Variants in SMOC2 observed in about 807,000 individuals in gnomAD.
SMOC2 encodes the protein SPARC-related modular calcium-binding protein 2.
SMOC2 carries 39 observed loss-of-function variants against 61.4 expected under a neutral mutation model. The observed-to-expected ratio is 0.64, with a 90% CI of 0.49 to 0.83. The LOEUF (loss-of-function observed/expected upper bound fraction) is 0.83, where lower values mean the gene tolerates loss of function less well. Ranked by LOEUF, SMOC2 falls within the 40% of genes least tolerant of loss-of-function variation. The pLI, the probability that SMOC2 is intolerant of heterozygous loss-of-function variation, is 0.00. For missense variants in SMOC2, 556 were observed against 592.9 expected, an observed-to-expected ratio of 0.94 and a Z score of 0.65; for synonymous variants, 247 against 239.9, an observed-to-expected ratio of 1.03 and a Z score of -0.27.
intron 1 of SMOC2, among the ~76,000 whole-genome samples, chr6:168,498,431 C>T (rs1056145298): frequency 4.0e-5 from 6 of 151,686 alleles, no homozygotes; most frequent in African/African-American, 1.2e-4. Context: ...AGTGGCTGTC[C>T]GGCGGGTAGT....
chr6:168,546,227 A>C (rs899458233), intron 5 of SMOC2, among the ~76,000 whole-genome samples: 4 of 148,644 alleles, frequency 2.7e-5, no homozygotes, highest in African/African-American at 1.0e-4. Context: ...GTTATTTAAC[A>C]AAATGATATA....
intron 5 of SMOC2, 93 bp downstream of exon 5, chr6:168,543,765 G>GTGA (rs3832408): frequency 0.013 from 15,666 of 1,202,862 alleles, 208 homozygotes; most frequent in African/African-American, 0.051. Flanking sequence ...ACATCCACTA[G>GTGA]TGATGATGAT....
chr6:168,658,519 G>A (rs74861447), intron 11 of SMOC2, among the ~76,000 whole-genome samples: 3,232 of 152,120 alleles, frequency 0.021, 131 homozygotes, highest in African/African-American at 0.073. Flanking sequence ...CGTAAGCCAC[G>A]CATGGCTTCT....
intron 1 of SMOC2, among the ~76,000 whole-genome samples, chr6:168,454,234 G>A (rs913839274): frequency 2.0e-5 from 3 of 152,052 alleles, no homozygotes; most frequent in Admixed American, 1.3e-4. Context: ...TGTGTGTCCC[G>A]GCTCCCCCAG....
intron 7 of SMOC2, among the ~76,000 whole-genome samples, chr6:168,557,206 A>G (rs182864421): frequency 6.6e-6 from 1 of 152,194 alleles, no homozygotes; most frequent in Admixed American, 6.5e-5. Context: ...CACAAACATC[A>G]AGACACCAAT....
chr6:168,601,261 G>A (rs906419297), intron 8 of SMOC2, among the ~76,000 whole-genome samples: 91 of 152,234 alleles, frequency 6.0e-4, no homozygotes, highest in African/African-American at 2.0e-3. Flanking sequence ...CCTGCTTTGG[G>A]GAGTGTGATG....
chr6:168,580,068 GGTCT>G (rs3033586), intron 7 of SMOC2, among the ~76,000 whole-genome samples: 53,426 of 151,718 alleles, frequency 0.35, 9,449 homozygotes, highest in Middle Eastern at 0.41. Flanking sequence ...GTTCCGAGAT[GGTCT>G]GTCTTTGTCA....
At chr6:168,531,196 G>A (rs1263824994) in intron 4 of SMOC2, among the ~76,000 whole-genome samples, 3 of 152,180 alleles carry the variant, frequency 2.0e-5, no homozygotes, top group Non-Finnish European at 4.4e-5. Flanking sequence ...CTTGCATGCG[G>A]TGGAGAGCAG....
chr6:168,551,211 G>A (rs1360543043), intron 7 of SMOC2, among the ~76,000 whole-genome samples: 1 of 152,128 alleles, frequency 6.6e-6, no homozygotes, highest in Non-Finnish European at 1.5e-5. Flanking sequence ...TGCCATGATG[G>A]TAAGTTTCCT....
chr6:168,624,367 G>A (rs978195749), intron 9 of SMOC2, among the ~76,000 whole-genome samples: 30 of 152,162 alleles, frequency 2.0e-4, no homozygotes, highest in East Asian at 1.9e-3. Context: ...GACGAAGCTC[G>A]CTAGAGAAAC....
intron 5 of SMOC2, among the ~76,000 whole-genome samples, chr6:168,546,797 TTACTC>T (rs771222200): frequency 1.5e-4 from 23 of 152,334 alleles, no homozygotes; most frequent in Middle Eastern, 3.4e-3. Context: ...TAGACTTTCT[TTACTC>T]TAATTATTTT....
intron 8 of SMOC2, among the ~76,000 whole-genome samples, chr6:168,602,159 G>T (rs1398740309): frequency 1.3e-5 from 2 of 152,118 alleles, no homozygotes; most frequent in Non-Finnish European, 2.9e-5. Context: ...ACTCTTCCAG[G>T]GGGGTGTCGG....
At chr6:168,466,411 G>A (rs1033580142) in intron 1 of SMOC2, among the ~76,000 whole-genome samples, 3 of 152,152 alleles carry the variant, frequency 2.0e-5, no homozygotes, top group Admixed American at 2.0e-4. Context: ...TCCTGCTCTC[G>A]TGCCCTGCTC....
rs898420685 is a variant in SMOC2 at position 168,480,828 on chromosome 6, C to T, written c.85-29087C>T. Among the ~76,000 whole-genome samples the T allele has an allele frequency of 2.6e-5, 4 of 152,162 alleles. No homozygotes were observed. In the East Asian group the frequency reaches 7.7e-4, roughly 29 times the overall value. On this transcript the variant is annotated intron_variant, in intron 1 of 12. Transcript: ENST00000356284. The stretch of plus-strand genomic sequence containing the variant: ...TTTGAAAGCAGAAAGAGAGAAGTAG[C>T]TCTCACATACAAGGATCCTCAGTAA...
intron 9 of SMOC2, among the ~76,000 whole-genome samples, chr6:168,610,244 C>T (rs917984935): frequency 1.3e-5 from 2 of 152,138 alleles, no homozygotes; most frequent in Admixed American, 6.5e-5. Flanking sequence ...ATGAAGACGG[C>T]GTTTCCTTGC....
intron 12 of SMOC2, among the ~76,000 whole-genome samples, chr6:168,665,414 G>C (rs1375732212): frequency 1.3e-5 from 2 of 152,256 alleles, no homozygotes; most frequent in African/African-American, 4.8e-5. Flanking sequence ...GCCATTGAAG[G>C]CCACCATGTT....
chr6:168,584,142 G>A (rs1784990780), intron 7 of SMOC2, among the ~76,000 whole-genome samples: 1 of 152,210 alleles, frequency 6.6e-6, no homozygotes, highest in Non-Finnish European at 1.5e-5. Flanking sequence ...AGGCGATTAA[G>A]AAGTTCACCC....
At chr6:168,543,491 C>T (rs781625934) in intron 4 of SMOC2, 134 bp from the exon 5 acceptor site, 21 of 732,410 alleles carry the variant, frequency 2.9e-5, no homozygotes, top group Non-Finnish European at 3.7e-5. Context: ...AGACAGCTTA[C>T]AGAATTTAAG....
Position 168,666,545 on chromosome 6 carries a change from T to G in SMOC2, c.*107T>G. On this transcript the variant is annotated 3_prime_UTR_variant, in exon 13 of 13. Transcript: ENST00000356284. ...ACACATAGTATTTGCACTTTGTACT[T>G]TAAATGTAAATTCACTTTGTAGAAA... is the stretch of plus-strand genomic sequence containing the variant. 1 of 1,216,698 alleles carries G rather than the reference T, an allele frequency of 8.2e-7. No individual in the cohort carries two copies. The highest frequency in any genetic ancestry group is 1.3e-5 in the South Asian group (1 of 77,942). 75.4% of individuals were successfully genotyped at this position (1,216,698 alleles called of 1,614,324 possible). A position where few individuals can be genotyped will look rare whatever the true frequency, so the allele number is the denominator to read the frequency against.
Sources: gnomAD v4.1 joint callset for allele counts (sites outside exome capture counted in the v4.1 genomes callset) on GRCh38, gnomAD v4.1.1 for gene constraint, MANE v1.5 for transcripts, NCBI Gene and HGNC (gene_info 2026-07-23, HGNC 2026-07-21) for gene names.